EPB41L3: variants seen among roughly 807,000 people sequenced by gnomAD.
EPB41L3 encodes erythrocyte membrane protein band 4.1 like 3.
Under a neutral mutation model 127.1 loss-of-function variants are expected in EPB41L3, and 57 were observed. The observed-to-expected ratio is 0.45, with a 90% CI of 0.36 to 0.56. EPB41L3 has a LOEUF of 0.56. EPB41L3 is among the 20% of genes least tolerant of loss of function. The probability of loss-of-function intolerance (pLI) is 0.00; values close to 1 mark genes in which losing one functional copy is unlikely to be tolerated. For missense variants in EPB41L3, 1,273 were observed against 1,372.2 expected (o/e 0.93, Z 1.14); for synonymous variants, 572 against 549.5 (o/e 1.04, Z -0.57).
At chr18:5,475,429 G>A (rs2874687) in intron 3 of EPB41L3, among the ~76,000 whole-genome samples, 42,370 of 152,054 alleles carry the variant, frequency 0.28, 7,029 homozygotes, top group East Asian at 0.46. Context: ...AGCATTTATC[G>A]CATGTGATTG....
At chr18:5,401,824 C>G (rs957083991) in intron 16 of EPB41L3, among the ~76,000 whole-genome samples, 1 of 152,006 alleles carries the variant, frequency 6.6e-6, no homozygotes, top group Non-Finnish European at 1.5e-5. Context: ...GGTGGCAATA[C>G]ATTAGCTACC....
intron 2 of EPB41L3, among the ~76,000 whole-genome samples, chr18:5,483,227 G>A (rs552279716): frequency 2.0e-5 from 3 of 152,064 alleles, no homozygotes; most frequent in Admixed American, 2.0e-4. Flanking sequence ...TTTAGCCTTT[G>A]TTTCTGTTTT....
chr18:5,547,825 T>C (rs1212669488), upstream of EPB41L3, among the ~76,000 whole-genome samples: 1 of 152,186 alleles, frequency 6.6e-6, no homozygotes, highest in Non-Finnish European at 1.5e-5. Flanking sequence ...TCCAACCTGA[T>C]AGCCAAGACA....
rs1400022502 is a variant in EPB41L3 at position 5,433,453 on chromosome 18, T to C, written c.912+16A>G. On this transcript the variant is annotated intron_variant, in intron 8 of 22. Transcript: ENST00000341928. ...TAATATTAAATTGAAAGTTTAGGGT[T>C]TAAAAAGATGCATACCTTAGCATGA... The C allele has an allele frequency of 3.1e-6, 5 of 1,588,998 alleles. No homozygotes were observed. The highest frequency in any genetic ancestry group is 4.3e-6 in the Non-Finnish European group (5 of 1,159,808).
At chr18:5,405,981 T>C (rs1048689411) in intron 16 of EPB41L3, among the ~76,000 whole-genome samples, 2 of 152,148 alleles carry the variant, frequency 1.3e-5, no homozygotes, top group African/African-American at 2.4e-5. Context: ...ATCCCAACAC[T>C]TTGGGAGGCC....
At chr18:5,498,068 G>A (rs2091345710) in intron 1 of EPB41L3, among the ~76,000 whole-genome samples, 1 of 152,144 alleles carries the variant, frequency 6.6e-6, no homozygotes, top group Non-Finnish European at 1.5e-5. Context: ...GCCTTGCCCT[G>A]GGTTGGACTT....
chr18:5,438,494 C>A (rs2080197359), intron 5 of EPB41L3, among the ~76,000 whole-genome samples: 1 of 152,198 alleles, frequency 6.6e-6, no homozygotes, highest in South Asian at 2.1e-4. Context: ...CAGATCAACA[C>A]CACAATCATA....
At chr18:5,448,472 C>A (rs923820155) in intron 3 of EPB41L3, among the ~76,000 whole-genome samples, 1 of 152,054 alleles carries the variant, frequency 6.6e-6, no homozygotes, top group Non-Finnish European at 1.5e-5. Flanking sequence ...ATGACTAAAT[C>A]TCAACAATCA....
intron 3 of EPB41L3, among the ~76,000 whole-genome samples, chr18:5,590,881 G>T (rs1319598398): frequency 1.5e-4 from 23 of 152,114 alleles, no homozygotes. Context: ...TGATGGAGAA[G>T]AGATCAGTGG....
chr18:5,614,250 T>G (rs1029355220), intron 2 of EPB41L3: 1 of 152,254 alleles, frequency 6.6e-6, no homozygotes, highest in African/African-American at 2.4e-5. Context: ...TTCCACCACT[T>G]TGATCCATAA....
At chr18:5,613,259 G>C (rs2094750467) in intron 2 of EPB41L3, among the ~76,000 whole-genome samples, 2 of 152,162 alleles carry the variant, frequency 1.3e-5, no homozygotes, top group South Asian at 4.1e-4. Flanking sequence ...TAAATGTCCT[G>C]GCTTTTTTAT....
chr18:5,504,541 A>G (rs1194286063), intron 1 of EPB41L3, among the ~76,000 whole-genome samples: 1 of 152,158 alleles, frequency 6.6e-6, no homozygotes, highest in Non-Finnish European at 1.5e-5. Context: ...CTTTAGCACA[A>G]CTAGGGACTA....
At chr18:5,406,544 T>TCC (rs1308871430) in intron 16 of EPB41L3, among the ~76,000 whole-genome samples, 1 of 152,170 alleles carries the variant, frequency 6.6e-6, no homozygotes, top group African/African-American at 2.4e-5. Context: ...CACGATAGTC[T>TCC]CCCTGTGGCT....
intron 1 of EPB41L3, among the ~76,000 whole-genome samples, chr18:5,521,888 T>C (rs1287383036): frequency 6.6e-6 from 1 of 152,200 alleles, no homozygotes; most frequent in African/African-American, 2.4e-5. Context: ...CAGTGGGCAC[T>C]TGAAATATTA....
intron 3 of EPB41L3, among the ~76,000 whole-genome samples, chr18:5,452,502 C>T (rs1162210479): frequency 6.6e-6 from 1 of 151,928 alleles, no homozygotes; most frequent in Non-Finnish European, 1.5e-5. Context: ...TCCCAGTTAG[C>T]ATATAAGCAT....
At chr18:5,433,402 T>C in intron 8 of EPB41L3, 67 bp downstream of exon 8, 1 of 1,128,890 alleles carries the variant, frequency 8.9e-7, no homozygotes, top group Non-Finnish European at 1.3e-6. Context: ...ATCACCAGCT[T>C]ACAGTAATAA....
chr18:5,435,668 A>G (rs2079665047), intron 6 of EPB41L3, among the ~76,000 whole-genome samples: 1 of 152,230 alleles, frequency 6.6e-6, no homozygotes, highest in South Asian at 2.1e-4. Flanking sequence ...TGCATTTCTC[A>G]GAATGTATCC....
At chr18:5,556,217 G>C (rs756156638) in intron 3 of EPB41L3, among the ~76,000 whole-genome samples, 1 of 152,218 alleles carries the variant, frequency 6.6e-6, no homozygotes, top group Non-Finnish European at 1.5e-5. Flanking sequence ...GTAGCCAGGG[G>C]CTCACTACTT....
chr18:5,400,420 G>T (rs1030199925), intron 16 of EPB41L3: 1 of 391,524 alleles, frequency 2.6e-6, no homozygotes, highest in African/African-American at 2.1e-5. Context: ...CTAGAAATAC[G>T]TGTGCCTTTA....
Sources: allele counts gnomAD v4.1 joint callset (sites outside exome capture counted in the v4.1 genomes callset), GRCh38; gene constraint gnomAD v4.1.1; transcripts MANE v1.5; gene names NCBI Gene and HGNC (gene_info 2026-07-23, HGNC 2026-07-21).